The following INVS variants were observed in gnomAD, a reference collection of about 807,000 sequenced individuals.
INVS encodes inversin.
Under a neutral mutation model 108.8 loss-of-function variants are expected in INVS, and 86 were observed. That is an observed-to-expected ratio of 0.79 (90% CI 0.66 to 0.95). INVS has a LOEUF of 0.95. INVS is among the 40% of genes least tolerant of loss of function. The probability of loss-of-function intolerance (pLI) is 0.00; values close to 1 mark genes in which losing one functional copy is unlikely to be tolerated. For missense variants in INVS, 1,169 were observed against 1,297.4 expected (o/e 0.90, Z 1.52); for synonymous variants, 455 against 473.5 (o/e 0.96, Z 0.51).
At chr9:100,187,057 G>A (rs1226096805) in intron 3 of INVS, among the ~76,000 whole-genome samples, 2 of 152,000 alleles carry the variant, frequency 1.3e-5, no homozygotes, top group Admixed American at 6.6e-5. Flanking sequence ...TAGGGATCCA[G>A]TTTCTTTTTT....
intron 3 of INVS, among the ~76,000 whole-genome samples, chr9:100,168,922 A>T (rs2119033532): frequency 6.6e-6 from 1 of 152,328 alleles, no homozygotes; most frequent in Middle Eastern, 3.4e-3. Context: ...GTCTTTGCTG[A>T]TGCCAGAAGA....
intron 10 of INVS, among the ~76,000 whole-genome samples, chr9:100,258,517 T>C (rs988958734): frequency 6.6e-6 from 1 of 152,230 alleles, no homozygotes; most frequent in Non-Finnish European, 1.5e-5. Flanking sequence ...GCTTTTCTAC[T>C]CTGGTTTCTC....
chr9:100,297,159 C>T lies in INVS; in HGVS notation c.3016+13C>T. Reference sequence around the variant, plus strand: ...AAGCAAATCTATGGTAACTGTCCTTCTGCCTACTTTGTAGTTCACAAGTAC... The same window carrying T: ...AAGCAAATCTATGGTAACTGTCCTTTTGCCTACTTTGTAGTTCACAAGTAC... On this transcript the variant is annotated intron_variant, in intron 15 of 16. Transcript: ENST00000262457. 6.2e-7 allele frequency: 1 copy of T among 1,606,394 alleles called. No individual in the cohort carries two copies. Among genetic ancestry groups the T allele is most frequent in the Non-Finnish European group, 8.5e-7 (1 of 1,173,354 alleles).
At chr9:100,100,974 T>A (rs61265831) in intron 1 of INVS, among the ~76,000 whole-genome samples, 32 of 48,390 alleles carry the variant, frequency 6.6e-4, no homozygotes, top group African/African-American at 3.2e-3. Flanking sequence ...TAATATATAT[T>A]ATATATATAA....
chr9:100,104,468 A>G, intron 1 of INVS, 30 bp from the exon 2 acceptor site: 4 of 1,204,762 alleles, frequency 3.3e-6, no homozygotes, highest in Middle Eastern at 3.8e-4. Context: ...TGTTTGCTGC[A>G]TGCGCTCATT....
chr9:100,180,538 GT>G (rs1829858406), intron 3 of INVS, among the ~76,000 whole-genome samples: 1 of 151,982 alleles, frequency 6.6e-6, no homozygotes, highest in Admixed American at 6.6e-5. Flanking sequence ...GAAGAAATTG[GT>G]AAATTCCTGG....
chr9:100,276,029 G>A (rs756408995), intron 12 of INVS, among the ~76,000 whole-genome samples: 1 of 152,120 alleles, frequency 6.6e-6, no homozygotes, highest in Non-Finnish European at 1.5e-5. Context: ...CAGATCTCCT[G>A]TAACTCTCTG....
chr9:100,284,049 A>C (rs1239225036), intron 12 of INVS, among the ~76,000 whole-genome samples: 1 of 152,210 alleles, frequency 6.6e-6, no homozygotes, highest in Admixed American at 6.5e-5. Flanking sequence ...TATGTTTCAC[A>C]CAGAAAAGTT....
chr9:100,163,238 C>G (rs1829249885), intron 3 of INVS, among the ~76,000 whole-genome samples: 2 of 149,778 alleles, frequency 1.3e-5, no homozygotes, highest in African/African-American at 4.9e-5. Context: ...CAAATGCTCC[C>G]AAATGAGGAA....
intron 13 of INVS, among the ~76,000 whole-genome samples, chr9:100,288,798 T>G (rs533412383): frequency 6.6e-6 from 1 of 152,146 alleles, no homozygotes; most frequent in South Asian, 2.1e-4. Context: ...TTTTTTGCAT[T>G]TCTTTTTTGT....
intron 3 of INVS, among the ~76,000 whole-genome samples, chr9:100,190,591 A>G (rs1830189524): frequency 6.6e-6 from 1 of 151,880 alleles, no homozygotes; most frequent in African/African-American, 2.4e-5. Context: ...TGCTCATCCG[A>G]AAAAAAACTT....
chr9:100,230,038 G>A (rs554880358), intron 5 of INVS, among the ~76,000 whole-genome samples: 3 of 152,098 alleles, frequency 2.0e-5, no homozygotes, highest in South Asian at 2.1e-4. Flanking sequence ...GTTTTTAAAC[G>A]CATTCATTCC....
intron 3 of INVS, among the ~76,000 whole-genome samples, chr9:100,154,448 A>G (rs1828909023): frequency 7.0e-6 from 1 of 143,164 alleles, no homozygotes; most frequent in Non-Finnish European, 1.5e-5. Context: ...AAGTGCTGGG[A>G]TTACAGGTGT....
chr9:100,190,590 G>GA lies in INVS; in HGVS notation c.274-35464dup, dbSNP rs532195381. ...AAATTCTCTCAGTATTTGCTCATCC[G>GA]AAAAAAAACTTTTTTTCTCCTTCAT... is the stretch of plus-strand genomic sequence containing the variant. On this transcript the variant is annotated intron_variant, in intron 3 of 16. Transcript: ENST00000262457. Among the ~76,000 whole-genome samples, 41 of 151,946 alleles carry GA rather than the reference G, an allele frequency of 2.7e-4. No individual in the cohort carries two copies. In the East Asian group the frequency reaches 5.6e-3, roughly 21 times the overall value.
chr9:100,292,484 A>T lies in INVS; in HGVS notation c.2227A>T (p.Lys743Ter). ...GTGTGCAAAGGGGAAAGGCTTCGTG[A>T]AGCAGCCCTCCTGTATCAGGGTGGC... ...ERCAKGKGFV[K>*]QPSCIRVAGP... is the part of the protein sequence containing the mutation. Residue 743 changes from lysine to a stop codon, truncating the protein, a stop_gained, in exon 14 of 17, where the codon AAG (lysine) becomes TAG (stop). Coordinates refer to ENST00000262457, the MANE Select transcript of INVS (RefSeq NM_014425.5). LOFTEE classifies it high-confidence loss of function. The T allele has an allele frequency of 6.2e-7, 1 of 1,614,128 alleles. No homozygotes were observed. The highest frequency in any genetic ancestry group is 8.5e-7 in the Non-Finnish European group (1 of 1,180,018).
At chr9:100,137,223 T>A (rs1828256896) in intron 3 of INVS, among the ~76,000 whole-genome samples, 1 of 152,012 alleles carries the variant, frequency 6.6e-6, no homozygotes, top group South Asian at 2.1e-4. Context: ...GAGTTCTAGG[T>A]TTTCTTTTGA....
intron 11 of INVS, among the ~76,000 whole-genome samples, chr9:100,270,720 C>A (rs1163854511): frequency 7.0e-6 from 1 of 143,136 alleles, no homozygotes. Flanking sequence ...TGCACTCCAG[C>A]CTGGGCAACA....
chr9:100,273,372 T>C (rs1833012955), intron 12 of INVS, among the ~76,000 whole-genome samples: 1 of 151,914 alleles, frequency 6.6e-6, no homozygotes, highest in Non-Finnish European at 1.5e-5. Flanking sequence ...TGGGATTGCT[T>C]CCTAGAATAA....
At chr9:100,224,720 A>G (rs1420949226) in intron 3 of INVS, among the ~76,000 whole-genome samples, 1 of 151,432 alleles carries the variant, frequency 6.6e-6, no homozygotes, top group Non-Finnish European at 1.5e-5. Context: ...GGGTTCAAGC[A>G]AGTCTCTGCC....
Sources: allele counts gnomAD v4.1 joint callset (sites outside exome capture counted in the v4.1 genomes callset), GRCh38; gene constraint gnomAD v4.1.1; transcripts MANE v1.5; gene names NCBI Gene and HGNC (gene_info 2026-07-23, HGNC 2026-07-21).